The following PHLDB2 variants were observed in gnomAD, a reference collection of about 807,000 sequenced individuals.
PHLDB2 encodes the protein pleckstrin homology like domain family B member 2, also known as pleckstrin homology-like domain family B member 2.
Under a neutral mutation model 123.6 loss-of-function variants are expected in PHLDB2, and 71 were observed. The ratio of observed to expected loss-of-function variants is 0.57; its 90% CI spans 0.47 to 0.70. The LOEUF is 0.70. Among genes scored for constraint, PHLDB2 ranks in the 30% least tolerant of loss-of-function variants. The pLI is 0.00. For missense variants in PHLDB2, 1,446 were observed against 1,519.5 expected (o/e 0.95, Z 0.80); for synonymous variants, 547 against 541.6 (o/e 1.01, Z -0.14).
chr3:111,835,328 A>G (rs2063348218), intron 1 of PHLDB2, among the ~76,000 whole-genome samples: 1 of 152,140 alleles, frequency 6.6e-6, no homozygotes. Context: ...TTTCAACTCA[A>G]TTTAGCAAAT....
chr3:111,795,118 T>C (rs1180394619), intron 1 of PHLDB2, among the ~76,000 whole-genome samples: 1 of 152,172 alleles, frequency 6.6e-6, no homozygotes, highest in East Asian at 1.9e-4. Context: ...TAATGTCTAG[T>C]TTTTGTTTAA....
chr3:111,972,540 G>A (rs1420042810), intron 16 of PHLDB2, among the ~76,000 whole-genome samples: 7 of 107,150 alleles, frequency 6.5e-5, no homozygotes, highest in Non-Finnish European at 1.6e-4. Flanking sequence ...TCGTTTTTAA[G>A]CCTTAAATAT....
intron 5 of PHLDB2, among the ~76,000 whole-genome samples, chr3:111,927,334 G>A (rs1195868656): frequency 6.6e-6 from 1 of 152,074 alleles, no homozygotes; most frequent in Admixed American, 6.6e-5. Context: ...CAAGACCAGT[G>A]TAGGTAACAC....
chr3:111,821,620 G>A (rs891264826), intron 1 of PHLDB2, among the ~76,000 whole-genome samples: 18 of 152,170 alleles, frequency 1.2e-4, no homozygotes, highest in Non-Finnish European at 2.2e-4. Context: ...TTTATTTAAA[G>A]GTTGCTCATT....
intron 1 of PHLDB2, among the ~76,000 whole-genome samples, chr3:111,762,418 T>G (rs2060010946): frequency 6.6e-6 from 1 of 152,216 alleles, no homozygotes; most frequent in Non-Finnish European, 1.5e-5. Flanking sequence ...AATTTTGAGG[T>G]GTTTATCCCA....
intron 1 of PHLDB2, among the ~76,000 whole-genome samples, chr3:111,762,684 G>C (rs1195643857): frequency 6.6e-6 from 1 of 152,128 alleles, no homozygotes; most frequent in Non-Finnish European, 1.5e-5. Flanking sequence ...CTCACATACT[G>C]CTGTACGTAG....
At chr3:111,759,474 C>T (rs2059957260) in intron 1 of PHLDB2, among the ~76,000 whole-genome samples, 1 of 152,180 alleles carries the variant, frequency 6.6e-6, no homozygotes, top group Non-Finnish European at 1.5e-5. Context: ...GAGACACCAA[C>T]ATTTAGACCA....
At position 111,884,066 on chromosome 3, in the gene PHLDB2, T is replaced by A; in HGVS notation, c.-12T>A. On this transcript the variant is annotated splice_region_variant and 5_prime_UTR_variant, in exon 2 of 18. Coordinates refer to ENST00000431670, the MANE Select transcript of PHLDB2 (RefSeq NM_001134438.2). ...TTTTCTGTTTTATTTCTTTACAGAT[T>A]CCAGCAAGATTATGGAAGAGCATAG... 6.3e-7 allele frequency: 1 copy of A among 1,593,172 alleles called. No homozygotes were observed. The highest frequency in any genetic ancestry group is 8.5e-7 in the Non-Finnish European group (1 of 1,173,164).
chr3:111,946,004 AATT>A (rs139771995), intron 9 of PHLDB2, among the ~76,000 whole-genome samples: 3,036 of 152,170 alleles, frequency 0.02, 101 homozygotes, highest in African/African-American at 0.067. Flanking sequence ...TAATTTGGAA[AATT>A]ATAACTGAGA....
At chr3:111,851,283 A>C (rs1282975) in intron 2 of PHLDB2, among the ~76,000 whole-genome samples, 25,352 of 151,712 alleles carry the variant, frequency 0.17, 2,181 homozygotes, top group Admixed American at 0.19. Flanking sequence ...TCAAGTGGAA[A>C]ATTAAAAATG....
chr3:111,951,281 C>T (rs891041183), intron 10 of PHLDB2, among the ~76,000 whole-genome samples: 1 of 152,066 alleles, frequency 6.6e-6, no homozygotes, highest in Non-Finnish European at 1.5e-5. Flanking sequence ...CCTCTCTGCC[C>T]CCTAGATTTC....
intron 1 of PHLDB2, among the ~76,000 whole-genome samples, chr3:111,756,333 T>A (rs2059888307): frequency 6.6e-6 from 1 of 152,120 alleles, no homozygotes; most frequent in African/African-American, 2.4e-5. Context: ...TGAATCTGGG[T>A]GCTCCTGTAT....
chr3:111,904,091 A>G (rs1374474144), intron 2 of PHLDB2, among the ~76,000 whole-genome samples: 1 of 152,094 alleles, frequency 6.6e-6, no homozygotes, highest in Admixed American at 6.6e-5. Flanking sequence ...CAGCCTGGCC[A>G]ACATGGCAAA....
intron 1 of PHLDB2, among the ~76,000 whole-genome samples, chr3:111,772,416 G>A (rs915940754): frequency 1.3e-5 from 2 of 152,102 alleles, no homozygotes; most frequent in African/African-American, 4.8e-5. Flanking sequence ...AGAAGGAAAA[G>A]AAGAGGAAGA....
chr3:111,911,595 AGGGCTCCT>A, intron 2 of PHLDB2: 2 of 1,533,850 alleles, frequency 1.3e-6, no homozygotes, highest in South Asian at 2.4e-5. Context: ...AATAAGTACC[AGGGCTCCT>A]GGATGGATAG....
chr3:111,793,847 G>A (rs2061033477), intron 1 of PHLDB2, among the ~76,000 whole-genome samples: 1 of 151,598 alleles, frequency 6.6e-6, no homozygotes, highest in African/African-American at 2.4e-5. Flanking sequence ...TCAGGACTCT[G>A]CCTGGTGCTC....
chr3:111,829,663 C>T (rs2062840672), intron 1 of PHLDB2, among the ~76,000 whole-genome samples: 2 of 151,826 alleles, frequency 1.3e-5, no homozygotes, highest in Non-Finnish European at 2.9e-5. Context: ...GGGGTTTCAC[C>T]ATGTTGGTCA....
chr3:111,970,442 T>G (rs11708860), intron 16 of PHLDB2, among the ~76,000 whole-genome samples: 59,316 of 152,022 alleles, frequency 0.39, 12,154 homozygotes, highest in East Asian at 0.57. Context: ...CACACACAAT[T>G]AGGCAGCCGT....
Position 111,884,648 on chromosome 3 carries a change from C to T in PHLDB2, c.571C>T (p.Pro191Ser). 1.9e-6 allele frequency: 3 copies of T among 1,614,162 alleles called. No homozygotes were observed. Among genetic ancestry groups the T allele is most frequent in the Non-Finnish European group, 2.5e-6 (3 of 1,180,036 alleles). The change falls in exon 2 of 18, where the codon CCT (proline) becomes TCT (serine). Residue 191 changes from proline to serine, a missense_variant. Coordinates refer to ENST00000431670, the MANE Select transcript of PHLDB2 (RefSeq NM_001134438.2). ...NGSSLSDAGP[P>S]PISRSGAASM... ...AAGTTCCCTGAGTGATGCTGGCCCG[C>T]CTCCTATCAGCAGATCGGGAGCCGC... is the stretch of plus-strand genomic sequence containing the variant.
Sources: gnomAD v4.1 joint callset for allele counts (sites outside exome capture counted in the v4.1 genomes callset) on GRCh38, gnomAD v4.1.1 for gene constraint, MANE v1.5 for transcripts, NCBI Gene and HGNC (gene_info 2026-07-23, HGNC 2026-07-21) for gene names.